Variants in PKIA observed in about 807,000 individuals in gnomAD.
PKIA encodes PKI-alpha.
In PKIA, 4 loss-of-function variants were observed where a neutral mutation model predicts 7.6. The ratio of observed to expected loss-of-function variants is 0.52; its 90% CI spans 0.26 to 1.20. The LOEUF is 1.20. Ranked by LOEUF, PKIA falls within the 50% of genes most tolerant of loss-of-function variation. The pLI is 0.13. For synonymous variants in PKIA, 21 were observed against 30.7 expected (o/e 0.68, Z 1.04); for missense variants, 73 against 86.2 (o/e 0.85, Z 0.61).
chr8:78,565,607 T>A (rs980695593), intron 1 of PKIA, among the ~76,000 whole-genome samples: 2 of 151,986 alleles, frequency 1.3e-5, no homozygotes, highest in African/African-American at 4.8e-5. Flanking sequence ...CTGGCAGTGC[T>A]CTTGCTATTT....
At chr8:78,587,590 A>G (rs1411136370) in intron 2 of PKIA, among the ~76,000 whole-genome samples, 1 of 152,204 alleles carries the variant, frequency 6.6e-6, no homozygotes. Flanking sequence ...ATGATATAAA[A>G]AGCCCTAGCA....
At chr8:78,522,863 ATTT>A (rs997612400) in intron 1 of PKIA, among the ~76,000 whole-genome samples, 2 of 150,566 alleles carry the variant, frequency 1.3e-5, no homozygotes, top group Non-Finnish European at 3.0e-5. Flanking sequence ...TAAATCTTTT[ATTT>A]TTTTTTCTTA....
At chr8:78,526,591 C>G (rs947878120) in intron 1 of PKIA, among the ~76,000 whole-genome samples, 2 of 151,820 alleles carry the variant, frequency 1.3e-5, no homozygotes, top group Non-Finnish European at 2.9e-5. Context: ...ATTAAGTTGT[C>G]CAAAAACAAA....
chr8:78,516,872 T>C (rs959821866), intron 1 of PKIA, among the ~76,000 whole-genome samples: 43 of 152,166 alleles, frequency 2.8e-4, no homozygotes, highest in Non-Finnish European at 2.9e-5. Flanking sequence ...TCGTCCCTCT[T>C]CCTGTAGTCC....
At chr8:78,545,510 C>T (rs1050625948) in intron 1 of PKIA, among the ~76,000 whole-genome samples, 2 of 152,050 alleles carry the variant, frequency 1.3e-5, no homozygotes, top group African/African-American at 4.8e-5. Flanking sequence ...AGTGGCATAA[C>T]CTTAAGATCA....
In PKIA at chr8:78,583,756, C is replaced by A. The variant is rs186680194; in HGVS notation, c.-28+10817C>A. Among the ~76,000 whole-genome samples the A allele has an allele frequency of 7.6e-3, 1,155 of 152,108 alleles. 7 individuals are homozygous for A. Among genetic ancestry groups the A allele is most frequent in the Non-Finnish European group, 0.014 (945 of 67,992 alleles). ...TGGGAAAGAGACAATGTTGGCTTGACCTAATCTATTATAACCTTCCTTAAC... is the reference window on the plus strand; with the variant it reads ...TGGGAAAGAGACAATGTTGGCTTGAACTAATCTATTATAACCTTCCTTAAC... On this transcript the variant is annotated intron_variant, in intron 2 of 3. Transcript: ENST00000396418.
At position 78,582,221 on chromosome 8, in the gene PKIA, G is replaced by A. The variant is rs184880473; in HGVS notation, c.-28+9282G>A. 2.7e-4 allele frequency among the ~76,000 whole-genome samples: 38 copies of A among 140,614 alleles called. No homozygotes were observed. In the East Asian group the frequency reaches 7.2e-3, roughly 27 times the overall value. 92.2% of individuals were successfully genotyped at this position (140,614 alleles called of 152,430 possible). On this transcript the variant is annotated intron_variant, in intron 2 of 3. Transcript: ENST00000396418. ...TGGGATTTTTTTTCTAATGATGTTT[G>A]TATTAGTCCATTCTCACGCTGCTAT... is the stretch of plus-strand genomic sequence containing the variant.
In PKIA at chr8:78,568,552, G is replaced by A. The variant is rs571340164; in HGVS notation, c.-156-4259G>A. Among the ~76,000 whole-genome samples, 10 of 152,170 alleles carry A rather than the reference G, an allele frequency of 6.6e-5. No individual in the cohort carries two copies. In the South Asian group the frequency reaches 2.1e-3, roughly 32 times the overall value. On this transcript the variant is annotated intron_variant, in intron 1 of 3. Coordinates refer to ENST00000396418, the MANE Select transcript of PKIA (RefSeq NM_006823.4). ...AAATGAATACAATAAATAAGCATAG[G>A]AGGCACCAAATAGTGAAAACTGGAA...
intron 1 of PKIA, among the ~76,000 whole-genome samples, chr8:78,551,880 G>A (rs1806993543): frequency 6.6e-6 from 1 of 151,956 alleles, no homozygotes; most frequent in South Asian, 2.1e-4. Flanking sequence ...AGACGTTTAA[G>A]GGAACAATCT....
At chr8:78,517,504 C>A (rs1585859809) in intron 1 of PKIA, among the ~76,000 whole-genome samples, 1 of 152,146 alleles carries the variant, frequency 6.6e-6, no homozygotes, top group African/African-American at 2.4e-5. Flanking sequence ...TGGGACAAAT[C>A]CTTTCCAAAA....
chr8:78,558,713 T>C (rs966118209), intron 1 of PKIA, among the ~76,000 whole-genome samples: 30 of 150,866 alleles, frequency 2.0e-4, no homozygotes, highest in Non-Finnish European at 1.6e-4. Flanking sequence ...CCAAACCATA[T>C]TAATAATCAA....
Position 78,542,687 on chromosome 8 carries a change from T to A in PKIA, c.-157+26219T>A, listed in dbSNP as rs192606428. 5.0e-4 allele frequency among the ~76,000 whole-genome samples: 76 copies of A among 152,280 alleles called. 1 individual carries two copies. The East Asian group carries it at 0.012, about 23-fold the overall frequency. On this transcript the variant is annotated intron_variant, in intron 1 of 3. Coordinates refer to ENST00000396418, the MANE Select transcript of PKIA (RefSeq NM_006823.4). ...CCTATTAAATAGTGACAATTTTTTT[T>A]AATTTGTTTTCCAGACAGAATGACA...
At chr8:78,591,361 T>C (rs1808089253) in intron 2 of PKIA, 1 of 152,652 alleles carries the variant, frequency 6.6e-6, no homozygotes, top group Admixed American at 6.5e-5. Context: ...TTATGCTTCA[T>C]TCTCTCAAAT....
Position 78,576,579 on chromosome 8 carries a change from A to T in PKIA, c.-28+3640A>T, listed in dbSNP as rs77924160. Among the ~76,000 whole-genome samples, 641 of 152,088 alleles carry T rather than the reference A, an allele frequency of 4.2e-3. 2 individuals carry two copies. The highest frequency in any genetic ancestry group is 0.015 in the African/African-American group (605 of 41,516). On this transcript the variant is annotated intron_variant, in intron 2 of 3. Coordinates refer to ENST00000396418, the MANE Select transcript of PKIA (RefSeq NM_006823.4). ...GCCACGTGTTTTTTTGAAAAAATAG[A>T]TGTAAATAAAATAAAATAAAATTAA...
At chr8:78,565,831 G>A (rs748297612) in intron 1 of PKIA, among the ~76,000 whole-genome samples, 1 of 151,844 alleles carries the variant, frequency 6.6e-6, no homozygotes, top group Non-Finnish European at 1.5e-5. Context: ...CTGACTGTGA[G>A]TTTCCATAAG....
intron 2 of PKIA, among the ~76,000 whole-genome samples, chr8:78,597,328 T>G (rs1328597174): frequency 6.6e-6 from 1 of 152,222 alleles, no homozygotes; most frequent in Non-Finnish European, 1.5e-5. Context: ...TTTGTACCTT[T>G]TGACATTTTA....
chr8:78,548,761 G>A (rs1304487158), intron 1 of PKIA, among the ~76,000 whole-genome samples: 2 of 152,042 alleles, frequency 1.3e-5, no homozygotes, highest in African/African-American at 2.4e-5. Flanking sequence ...TAGATATTAA[G>A]AGAATACTAT....
At chr8:78,523,050 G>T (rs991067965) in intron 1 of PKIA, among the ~76,000 whole-genome samples, 1 of 151,858 alleles carries the variant, frequency 6.6e-6, no homozygotes, top group Admixed American at 6.6e-5. Flanking sequence ...TATTGCATCG[G>T]CCAGGAGAGG....
chr8:78,564,613 C>T (rs542215677), intron 1 of PKIA, among the ~76,000 whole-genome samples: 1 of 151,798 alleles, frequency 6.6e-6, no homozygotes, highest in South Asian at 2.1e-4. Context: ...TAGCTTTTTA[C>T]TCATTAATTT....
Sources: allele counts gnomAD v4.1 joint callset (sites outside exome capture counted in the v4.1 genomes callset), GRCh38; gene constraint gnomAD v4.1.1; transcripts MANE v1.5; gene names NCBI Gene and HGNC (gene_info 2026-07-23, HGNC 2026-07-21).